Variants in TMEM61 observed in about 807,000 individuals in gnomAD.
TMEM61 encodes the protein transmembrane protein 61.
In TMEM61, 13 loss-of-function variants were observed where a neutral mutation model predicts 12.0. That is an observed-to-expected ratio of 1.08 (90% CI 0.70 to 1.72). The LOEUF (loss-of-function observed/expected upper bound fraction) is 1.72. TMEM61 is among the 40% of genes most tolerant of loss of function. TMEM61 has a pLI of 0.00. For missense variants in TMEM61, 249 were observed against 276.9 expected (o/e 0.90, Z 0.71); for synonymous variants, 109 against 121.4 (o/e 0.90, Z 0.67).
intron 1 of TMEM61, among the ~76,000 whole-genome samples, chr1:54,983,109 G>GTTTTTTTTT (rs780127208): frequency 0.034 from 3,756 of 109,252 alleles, 994 homozygotes; most frequent in Non-Finnish European, 0.049. Flanking sequence ...GTTTTGCTTT[G>GTTTTTTTTT]TTTTTTTTTT....
At chr1:54,983,109 G>GTTTTTTTTTTTTTTTTTTTTTTTT (rs780127208) in intron 1 of TMEM61, among the ~76,000 whole-genome samples, 1 of 109,522 alleles carries the variant, frequency 9.1e-6, no homozygotes, top group Non-Finnish European at 1.8e-5. Flanking sequence ...GTTTTGCTTT[G>GTTTTTTTTTTTTTTTTTTTTTTTT]TTTTTTTTTT....
At chr1:54,985,803 C>T (rs753182307) in intron 1 of TMEM61, among the ~76,000 whole-genome samples, 9 of 152,114 alleles carry the variant, frequency 5.9e-5, no homozygotes, top group Non-Finnish European at 1.3e-4. Flanking sequence ...GTTTTAGACC[C>T]ACCAGGCAGA....
Position 54,991,823 on chromosome 1 carries a change from T to A in TMEM61, c.366-13T>A, listed in dbSNP as rs770095837. ...CCCAGCCCCTGCTAACAGCCTCTCTTCTGTTCCTGCAGGACCCCCAAAGTG... is the reference window on the plus strand; with the variant it reads ...CCCAGCCCCTGCTAACAGCCTCTCTACTGTTCCTGCAGGACCCCCAAAGTG... On this transcript the variant is annotated splice_polypyrimidine_tract_variant and intron_variant, in intron 2 of 2. Transcript: ENST00000371268. 5 of 1,612,724 alleles carry A rather than the reference T, an allele frequency of 3.1e-6. No homozygotes were observed. The African/African-American group carries it at 6.7e-5, about 22-fold the overall frequency.
chr1:54,986,073 T>C (rs1644255696), intron 1 of TMEM61, 24 bp from the exon 2 acceptor site: 2 of 1,551,504 alleles, frequency 1.3e-6, no homozygotes, highest in East Asian at 2.3e-5. Flanking sequence ...CCATTTCCTC[T>C]TCTCCCTCCT....
intron 1 of TMEM61, 71 bp downstream of exon 1, chr1:54,981,151 C>G: frequency 6.6e-7 from 1 of 1,518,188 alleles, no homozygotes; most frequent in South Asian, 1.2e-5. Flanking sequence ...TGCCCCGACC[C>G]CTTCCCCTAA....
intron 2 of TMEM61, among the ~76,000 whole-genome samples, chr1:54,987,718 A>G (rs13374752): frequency 0.049 from 7,491 of 152,238 alleles, 569 homozygotes; most frequent in African/African-American, 0.17. Flanking sequence ...AAAAGGAAGG[A>G]GAGGCATAGC....
Position 54,992,168 on chromosome 1 carries a change from T to A in TMEM61, c.*65T>A. On this transcript the variant is annotated 3_prime_UTR_variant, in exon 3 of 3. Coordinates refer to ENST00000371268, the MANE Select transcript of TMEM61 (RefSeq NM_182532.3). ...GTGCCTTCTCCAGAGTCTTATGCAG[T>A]GCCTGGGACACAGTAGGCACTCAGC... 2 of 1,551,826 alleles carry A rather than the reference T, an allele frequency of 1.3e-6. No individual in the cohort carries two copies.
At position 54,980,637 on chromosome 1, in the gene TMEM61, C is replaced by T. The variant is rs1027054076; in HGVS notation, c.-429C>T. Among the ~76,000 whole-genome samples the T allele has an allele frequency of 1.5e-4, 23 of 152,120 alleles. 1 individual carries two copies. Among genetic ancestry groups the T allele is most frequent in the African/African-American group, 5.5e-4 (23 of 41,448 alleles). ...GGGCGGGCTGGGCGACAGCGCTGGA[C>T]ACCTGGAGCTGCCCGAGGACGCGGA... is the stretch of plus-strand genomic sequence containing the variant. On this transcript the variant is annotated 5_prime_UTR_variant, in exon 1 of 3. Coordinates refer to ENST00000371268, the MANE Select transcript of TMEM61 (RefSeq NM_182532.3).
In TMEM61 at chr1:54,986,224, GCCAGCTGGCC is replaced by G; in HGVS notation, c.147_156del (p.Gln49HisfsTer85). 3.7e-6 allele frequency: 6 copies of G among 1,613,792 alleles called. No individual in the cohort carries two copies. Among genetic ancestry groups the G allele is most frequent in the Non-Finnish European group, 5.1e-6 (6 of 1,179,998 alleles). ...GAAGGGGATGCAACCGCCCAGCCTG[GCCAGCTGGCC>G]CCACCCACGGAGTATCCGGTGCCTG... On this transcript the variant is annotated frameshift_variant, in exon 2 of 3. Coordinates refer to ENST00000371268, the MANE Select transcript of TMEM61 (RefSeq NM_182532.3). LOFTEE classifies it high-confidence loss of function.
rs2101629671 is a variant in TMEM61, at chr1:54,980,792, G to A, written c.-274G>A. 5.5e-6 allele frequency: 2 copies of A among 364,706 alleles called. No individual in the cohort carries two copies. Among genetic ancestry groups the A allele is most frequent in the South Asian group, 1.4e-4 (1 of 7,214 alleles). 22.6% of individuals were successfully genotyped at this position (364,706 alleles called of 1,614,324 possible). On this transcript the variant is annotated 5_prime_UTR_variant, in exon 1 of 3. Transcript: ENST00000371268. ...GCCCTCGGGGCGGGCGCCGGGGTGA[G>A]GCCTGGCTCGGTCCCTGCGCACCGG...
intron 1 of TMEM61, 97 bp downstream of exon 1, chr1:54,981,177 C>A: frequency 7.1e-7 from 1 of 1,412,280 alleles, no homozygotes; most frequent in South Asian, 1.4e-5. Context: ...GTCACCGTGG[C>A]TTGGTGGGCA....
intron 1 of TMEM61, among the ~76,000 whole-genome samples, chr1:54,983,973 G>A (rs1644241560): frequency 6.6e-6 from 1 of 152,120 alleles, no homozygotes; most frequent in African/African-American, 2.4e-5. Context: ...TGCATCCAGA[G>A]GTCTAGGGGT....
At chr1:54,983,288 A>G (rs911778254) in intron 1 of TMEM61, among the ~76,000 whole-genome samples, 1 of 151,026 alleles carries the variant, frequency 6.6e-6, no homozygotes, top group Non-Finnish European at 1.5e-5. Flanking sequence ...TAATTGGCTA[A>G]TTTTTGTATT....
At chr1:54,987,246 G>A (rs538871628) in intron 2 of TMEM61, among the ~76,000 whole-genome samples, 1 of 152,312 alleles carries the variant, frequency 6.6e-6, no homozygotes, top group African/African-American at 2.4e-5. Context: ...CACAGTGGGT[G>A]CACAGCAAAT....
Position 54,989,466 on chromosome 1 carries a change from ACCAGAC to A in TMEM61, c.366-2369_366-2364del, listed in dbSNP as rs528399982. On this transcript the variant is annotated intron_variant, in intron 2 of 2. Coordinates refer to ENST00000371268, the MANE Select transcript of TMEM61 (RefSeq NM_182532.3). ...TGCCAGGCCCAGGTCTCCTGCCCCA[ACCAGAC>A]TCCAAAGATTGGGGTGAGCCCTAGC... is the stretch of plus-strand genomic sequence containing the variant. Among the ~76,000 whole-genome samples the A allele has an allele frequency of 1.9e-3, 291 of 152,342 alleles. 1 individual carries two copies. Among genetic ancestry groups the A allele is most frequent in the African/African-American group, 6.5e-3 (271 of 41,576 alleles).
At chr1:54,986,483 C>T in intron 2 of TMEM61, 37 bp downstream of exon 2, 1 of 1,487,258 alleles carries the variant, frequency 6.7e-7, no homozygotes, top group Non-Finnish European at 9.1e-7. Context: ...GTGGGGACTG[C>T]AGGTAGGGGC....
chr1:54,984,587 C>A (rs780652895), intron 1 of TMEM61, among the ~76,000 whole-genome samples: 17 of 152,218 alleles, frequency 1.1e-4, no homozygotes, highest in Non-Finnish European at 2.1e-4. Context: ...TCCCTCAGTT[C>A]AGAGGATTTA....
intron 2 of TMEM61, among the ~76,000 whole-genome samples, chr1:54,988,556 G>T (rs1280470539): frequency 2.0e-5 from 3 of 152,234 alleles, no homozygotes; most frequent in Non-Finnish European, 4.4e-5. Flanking sequence ...CCCATGGGTG[G>T]CTACTCTGCT....
chr1:54,991,407 G>T (rs1193037315), intron 2 of TMEM61, among the ~76,000 whole-genome samples: 1 of 152,206 alleles, frequency 6.6e-6, no homozygotes, highest in African/African-American at 2.4e-5. Flanking sequence ...CTCCCATTCT[G>T]CCCTGGGCAT....
Sources: gnomAD v4.1 joint callset for allele counts (sites outside exome capture counted in the v4.1 genomes callset) on GRCh38, gnomAD v4.1.1 for gene constraint, MANE v1.5 for transcripts, NCBI Gene and HGNC (gene_info 2026-07-23, HGNC 2026-07-21) for gene names.